KIAA1671: variants seen among roughly 807,000 people sequenced by gnomAD.
KIAA1671 encodes the protein uncharacterized protein KIAA1671.
KIAA1671 carries 52 observed loss-of-function variants against 131.2 expected under a neutral mutation model. The observed-to-expected ratio is 0.40, with a 90% CI of 0.32 to 0.50. The LOEUF is 0.50. Among genes scored for constraint, KIAA1671 ranks in the 20% least tolerant of loss-of-function variants. The probability of loss-of-function intolerance (pLI) is 0.73; values close to 1 mark genes in which losing one functional copy is unlikely to be tolerated. For synonymous variants in KIAA1671, 1,003 were observed against 961.6 expected, an observed-to-expected ratio of 1.04 and a Z score of -0.80; for missense variants, 2,360 against 2,364.2, an observed-to-expected ratio of 1.00 and a Z score of 0.04.
At position 25,040,831 on chromosome 22, in the gene KIAA1671, G is replaced by C; in HGVS notation, c.3701G>C (p.Arg1234Pro). The change falls in exon 5 of 13, where the codon CGG becomes CCG. Residue 1234 changes from arginine to proline, a missense_variant. Arg to Pro is a moderately radical substitution (Grantham distance 103, BLOSUM62 -2). Transcript: ENST00000358431. Reference sequence around the variant, plus strand: ...ACCGTGGAGCCCAGTACGTTGCCTCGGGAGAGGCCTGTTCAGCTGGGCGGG... The same window carrying C: ...ACCGTGGAGCCCAGTACGTTGCCTCCGGAGAGGCCTGTTCAGCTGGGCGGG... ...SPTVEPSTLPRERPVQLGGVE... is the reference protein window; with the variant it reads ...SPTVEPSTLPPERPVQLGGVE... 1.3e-6 allele frequency: 2 copies of C among 1,551,406 alleles called. No individual in the cohort carries two copies. Among genetic ancestry groups the C allele is most frequent in the South Asian group, 1.2e-5 (1 of 84,048 alleles).
intron 1 of KIAA1671, among the ~76,000 whole-genome samples, chr22:25,000,104 C>T (rs1017372545): frequency 1.2e-4 from 18 of 149,616 alleles, no homozygotes; most frequent in Non-Finnish European, 2.5e-4. Context: ...AGGATGATGT[C>T]GATCTCCTGA....
intron 1 of KIAA1671, among the ~76,000 whole-genome samples, chr22:24,996,096 T>G (rs1924120176): frequency 6.6e-6 from 1 of 152,140 alleles, no homozygotes; most frequent in South Asian, 2.1e-4. Flanking sequence ...GAGTGTTTTC[T>G]CTAACAAGGC....
intron 11 of KIAA1671, 126 bp downstream of exon 11, chr22:25,185,245 C>A: frequency 9.5e-7 from 1 of 1,047,124 alleles, no homozygotes; most frequent in Non-Finnish European, 1.3e-6. Context: ...TCTCTAGCAG[C>A]AGAAGCTTTG....
At chr22:25,021,810 G>A (rs1301647146) in intron 1 of KIAA1671, among the ~76,000 whole-genome samples, 1 of 150,666 alleles carries the variant, frequency 6.6e-6, no homozygotes, top group Non-Finnish European at 1.5e-5. Context: ...TTTTTGGGAT[G>A]GAGTCTCGCT....
chr22:24,997,611 A>C (rs1286879698), intron 1 of KIAA1671, among the ~76,000 whole-genome samples: 4 of 152,012 alleles, frequency 2.6e-5, no homozygotes, highest in African/African-American at 9.7e-5. Context: ...GGGGCAGGAG[A>C]TGAGGTCTTA....
rs1933775370 is a variant in KIAA1671, at chr22:25,169,704, T to G, written c.4531-1116T>G. ...ATGGGGATTTATGGCCTTTCCACCG[T>G]GTGCCAGGCTTGGCCCTGTGGTCAG... On this transcript the variant is annotated intron_variant, in intron 6 of 12. Transcript: ENST00000358431. Among the ~76,000 whole-genome samples, 3 of 152,220 alleles carry G rather than the reference T, an allele frequency of 2.0e-5. No homozygotes were observed. The South Asian group carries it at 6.2e-4, about 32-fold the overall frequency.
chr22:25,181,949 G>A (rs564515186), intron 10 of KIAA1671, 126 bp downstream of exon 10: 160 of 999,240 alleles, frequency 1.6e-4, no homozygotes, highest in African/African-American at 1.0e-3. Context: ...AGGCCGAGTT[G>A]GGCGGATCAC....
intron 6 of KIAA1671, among the ~76,000 whole-genome samples, chr22:25,129,454 C>T (rs1429611550): frequency 6.6e-6 from 1 of 151,640 alleles, no homozygotes; most frequent in East Asian, 1.9e-4. Flanking sequence ...TTTCAGTGAG[C>T]CGAGATCGTA....
chr22:25,160,939 A>G (rs1043553923), intron 6 of KIAA1671, among the ~76,000 whole-genome samples: 1 of 152,142 alleles, frequency 6.6e-6, no homozygotes, highest in African/African-American at 2.4e-5. Flanking sequence ...GCTGGGACCC[A>G]AGTCCATGGG....
intron 1 of KIAA1671, among the ~76,000 whole-genome samples, chr22:24,961,128 C>T (rs1481012192): frequency 6.6e-6 from 1 of 152,146 alleles, no homozygotes; most frequent in African/African-American, 2.4e-5. Context: ...CCCACCTCAG[C>T]CTCCCAAGTA....
chr22:25,022,225 A>G (rs1031488656), intron 1 of KIAA1671, among the ~76,000 whole-genome samples: 8 of 152,332 alleles, frequency 5.3e-5, no homozygotes, highest in African/African-American at 1.9e-4. Context: ...GCCAGAGACG[A>G]CTGAATAAAT....
At chr22:25,067,901 G>A (rs1928568753) in intron 6 of KIAA1671, among the ~76,000 whole-genome samples, 1 of 152,268 alleles carries the variant, frequency 6.6e-6, no homozygotes, top group Non-Finnish European at 1.5e-5. Context: ...TCAGTTAGCG[G>A]GGCCTAACCC....
intron 6 of KIAA1671, among the ~76,000 whole-genome samples, chr22:25,142,461 C>G (rs1303062268): frequency 2.0e-5 from 3 of 152,194 alleles, no homozygotes; most frequent in African/African-American, 7.2e-5. Flanking sequence ...TTTCTTGGCA[C>G]CATCCCCCTG....
At chr22:25,105,549 G>A (rs764332241) in intron 6 of KIAA1671, among the ~76,000 whole-genome samples, 5 of 152,140 alleles carry the variant, frequency 3.3e-5, no homozygotes, top group Non-Finnish European at 5.9e-5. Context: ...AAAGTCCTCT[G>A]GGGGGGAAAA....
chr22:25,049,447 C>A, intron 6 of KIAA1671, 83 bp downstream of exon 6: 1 of 1,463,294 alleles, frequency 6.8e-7, no homozygotes, highest in Non-Finnish European at 9.2e-7. Flanking sequence ...GGTGGAGCAT[C>A]TGGACAGCCC....
At position 25,196,337 on chromosome 22, in the gene KIAA1671, A is replaced by C. The variant is rs1934827350; in HGVS notation, c.*3936A>C. ...GTGGTTGCTCTCACACCTGTGCCATAACATCATCTTCCATGACTTGGACGG... is the reference window on the plus strand; with the variant it reads ...GTGGTTGCTCTCACACCTGTGCCATCACATCATCTTCCATGACTTGGACGG... On this transcript the variant is annotated 3_prime_UTR_variant, in exon 13 of 13. Coordinates refer to ENST00000358431, the MANE Select transcript of KIAA1671 (RefSeq NM_001145206.2). 6.6e-6 allele frequency: 1 copy of C among 152,132 alleles called. No homozygotes were observed. The highest frequency in any genetic ancestry group is 6.6e-5 in the Admixed American group (1 of 15,258). 9.4% of individuals were successfully genotyped at this position (152,132 alleles called of 1,614,324 possible). A position where few individuals can be genotyped will look rare whatever the true frequency, so the allele number is the denominator to read the frequency against.
At chr22:24,967,618 G>A (rs1259384112) in intron 1 of KIAA1671, among the ~76,000 whole-genome samples, 1 of 152,230 alleles carries the variant, frequency 6.6e-6, no homozygotes, top group Non-Finnish European at 1.5e-5. Context: ...GCAGAGAGCA[G>A]CAGGCCTAGG....
At chr22:25,012,716 T>C (rs1215396056) in intron 1 of KIAA1671, 2 of 152,204 alleles carry the variant, frequency 1.3e-5, no homozygotes, top group Non-Finnish European at 2.9e-5. Context: ...CAGCTGCTAC[T>C]ACAACAGCTA....
At chr22:25,150,233 C>T (rs1450189409) in intron 6 of KIAA1671, among the ~76,000 whole-genome samples, 2 of 152,234 alleles carry the variant, frequency 1.3e-5, no homozygotes, top group Non-Finnish European at 2.9e-5. Flanking sequence ...CTGTTCTCAT[C>T]ACTGCATGAT....
Sources: gnomAD v4.1 joint callset for allele counts (sites outside exome capture counted in the v4.1 genomes callset) on GRCh38, gnomAD v4.1.1 for gene constraint, MANE v1.5 for transcripts, NCBI Gene and HGNC (gene_info 2026-07-23, HGNC 2026-07-21) for gene names.